The following ZNF704 variants were observed in gnomAD, a reference collection of about 807,000 sequenced individuals.
ZNF704 encodes glucocorticoid induced gene 1.
Under a neutral mutation model 44.7 loss-of-function variants are expected in ZNF704, and 10 were observed. The ratio of observed to expected loss-of-function variants is 0.22; its 90% CI spans 0.14 to 0.38. The LOEUF is 0.38. Ranked by LOEUF, ZNF704 falls within the 10% of genes least tolerant of loss-of-function variation. The pLI is 1.00. For missense variants in ZNF704, 390 were observed against 545.5 expected (o/e 0.71, Z 2.84); for synonymous variants, 211 against 207.6 (o/e 1.02, Z -0.14).
chr8:80,772,356 C>T (rs1807334993), intron 2 of ZNF704, among the ~76,000 whole-genome samples: 1 of 151,996 alleles, frequency 6.6e-6, no homozygotes, highest in Non-Finnish European at 1.5e-5. Flanking sequence ...AAAGAAGTAC[C>T]TGAGACTGGG....
At chr8:80,710,156 C>T (rs1818962078) in intron 2 of ZNF704, among the ~76,000 whole-genome samples, 1 of 152,108 alleles carries the variant, frequency 6.6e-6, no homozygotes, top group Non-Finnish European at 1.5e-5. Flanking sequence ...TCCTATCTTC[C>T]AGAACTGTTT....
At chr8:80,643,516 C>CA (rs1174433192) in intron 7 of ZNF704, among the ~76,000 whole-genome samples, 987 of 23,332 alleles carry the variant, frequency 0.042, 136 homozygotes, top group Non-Finnish European at 0.064. Context: ...GATCCTGTCT[C>CA]AAAAAAAAAA....
intron 4 of ZNF704, chr8:80,673,454 T>C (rs1041228538): frequency 2.0e-5 from 3 of 152,332 alleles, no homozygotes; most frequent in African/African-American, 2.4e-5. Context: ...GTTGTTCCAA[T>C]AGTAAGCCCA....
intron 7 of ZNF704, among the ~76,000 whole-genome samples, chr8:80,657,884 T>A (rs1437728518): frequency 6.6e-6 from 1 of 152,006 alleles, no homozygotes; most frequent in Non-Finnish European, 1.5e-5. Context: ...CAGAGTGAAA[T>A]GAGGGATTCT....
intron 4 of ZNF704, among the ~76,000 whole-genome samples, chr8:80,679,904 C>T (rs1818425910): frequency 6.6e-6 from 1 of 152,186 alleles, no homozygotes; most frequent in Non-Finnish European, 1.5e-5. Flanking sequence ...CTGTGGGCCA[C>T]AATGGTTGGA....
At chr8:80,810,545 T>G (rs1009267996) in intron 2 of ZNF704, among the ~76,000 whole-genome samples, 1 of 152,142 alleles carries the variant, frequency 6.6e-6, no homozygotes, top group Non-Finnish European at 1.5e-5. Context: ...CTACAGTATG[T>G]TTACTTGGTA....
intron 7 of ZNF704, among the ~76,000 whole-genome samples, chr8:80,648,292 T>G (rs1383918301): frequency 6.6e-6 from 1 of 152,232 alleles, no homozygotes; most frequent in Non-Finnish European, 1.5e-5. Flanking sequence ...TTCCTGCTAA[T>G]GGCTCTCTTA....
intron 2 of ZNF704, among the ~76,000 whole-genome samples, chr8:80,701,417 A>C (rs10808843): frequency 1.3e-5 from 2 of 151,526 alleles, no homozygotes; most frequent in Non-Finnish European, 2.9e-5. Flanking sequence ...CCTCTAGGCA[A>C]GGTCTTTGTC....
intron 1 of ZNF704, among the ~76,000 whole-genome samples, chr8:80,825,067 C>T (rs1413520343): frequency 6.6e-6 from 1 of 152,164 alleles, no homozygotes; most frequent in Non-Finnish European, 1.5e-5. Flanking sequence ...CAAATTCACA[C>T]ATAACAATAT....
At position 80,672,740 on chromosome 8, in the gene ZNF704, A is replaced by G. The variant is rs57910967; in HGVS notation, c.559-2137T>C. ...CCACATGGACATAAAGATGGAAATAACAGACACTGGGGACTACTAGAGGAG... is the reference window on the plus strand; with the variant it reads ...CCACATGGACATAAAGATGGAAATAGCAGACACTGGGGACTACTAGAGGAG... On this transcript the variant is annotated intron_variant, in intron 4 of 8. Coordinates refer to ENST00000327835, the MANE Select transcript of ZNF704 (RefSeq NM_001033723.3). Among the ~76,000 whole-genome samples the G allele has an allele frequency of 5.2e-3, 791 of 152,260 alleles. 7 individuals carry two copies. Among genetic ancestry groups the G allele is most frequent in the African/African-American group, 0.018 (746 of 41,544 alleles).
At chr8:80,646,769 G>A (rs1817841394) in intron 7 of ZNF704, among the ~76,000 whole-genome samples, 2 of 152,100 alleles carry the variant, frequency 1.3e-5, no homozygotes, top group Non-Finnish European at 2.9e-5. Context: ...GTGAATACCT[G>A]AGACATCTAC....
chr8:80,804,539 G>A (rs544074912), intron 2 of ZNF704, among the ~76,000 whole-genome samples: 2 of 152,262 alleles, frequency 1.3e-5, no homozygotes, highest in Admixed American at 1.3e-4. Flanking sequence ...ATGGATGGAG[G>A]TGGAAGCCAT....
At chr8:80,860,386 C>A (rs1303397870) in intron 1 of ZNF704, among the ~76,000 whole-genome samples, 1 of 152,206 alleles carries the variant, frequency 6.6e-6, no homozygotes, top group Non-Finnish European at 1.5e-5. Context: ...CCAAAATCAA[C>A]CCCTTCTAGC....
At chr8:80,711,555 C>A (rs1448493913) in intron 2 of ZNF704, among the ~76,000 whole-genome samples, 1 of 152,168 alleles carries the variant, frequency 6.6e-6, no homozygotes, top group Non-Finnish European at 1.5e-5. Context: ...TTTAAAGAAA[C>A]TTGAGGGAGT....
intron 2 of ZNF704, among the ~76,000 whole-genome samples, chr8:80,797,000 G>GAAGGAAGGAAGGAAGC (rs371845079): frequency 9.4e-5 from 14 of 148,176 alleles, no homozygotes; most frequent in African/African-American, 3.3e-4. Context: ...AGGAAGGAAG[G>GAAGGAAGGAAGGAAGC]AAGCAAGCAA....
At chr8:80,795,025 T>A (rs1807774278) in intron 2 of ZNF704, among the ~76,000 whole-genome samples, 1 of 152,188 alleles carries the variant, frequency 6.6e-6, no homozygotes, top group South Asian at 2.1e-4. Context: ...CAAGTGTGTG[T>A]TCAAACCATG....
At chr8:80,826,987 T>C (rs1435845878) in intron 1 of ZNF704, among the ~76,000 whole-genome samples, 1 of 152,194 alleles carries the variant, frequency 6.6e-6, no homozygotes, top group African/African-American at 2.4e-5. Context: ...GGGCAAAAAC[T>C]GGAAGCATTC....
rs192149034 is a variant in ZNF704 at position 80,728,540 on chromosome 8, G to A, written c.222-35433C>T. ...GGGCACCCCATGAGTTAGGCATTTC[G>A]TAAGGCAAATTACATGCCTCAATCA... On this transcript the variant is annotated intron_variant, in intron 2 of 8. Transcript: ENST00000327835. Among the ~76,000 whole-genome samples the A allele has an allele frequency of 5.7e-3, 861 of 152,266 alleles. 8 individuals are homozygous for A. Among genetic ancestry groups the A allele is most frequent in the African/African-American group, 0.019 (796 of 41,538 alleles).
At chr8:80,776,154 A>T (rs934191668) in intron 2 of ZNF704, among the ~76,000 whole-genome samples, 2 of 152,184 alleles carry the variant, frequency 1.3e-5, no homozygotes, top group Non-Finnish European at 2.9e-5. Flanking sequence ...TCTATAAATA[A>T]TAAGAGTGAC....
Sources: allele counts gnomAD v4.1 joint callset (sites outside exome capture counted in the v4.1 genomes callset), GRCh38; gene constraint gnomAD v4.1.1; transcripts MANE v1.5; gene names NCBI Gene and HGNC (gene_info 2026-07-23, HGNC 2026-07-21).